Variants in DCC observed in about 807,000 individuals in gnomAD.
DCC encodes the protein netrin receptor DCC.
In DCC, 58 loss-of-function variants were observed where a neutral mutation model predicts 172.5. The ratio of observed to expected loss-of-function variants is 0.34; its 90% CI spans 0.27 to 0.42. The LOEUF is 0.42. DCC is among the 10% of genes least tolerant of loss of function. The pLI is 1.00. For synonymous variants in DCC, 709 were observed against 644.5 expected (o/e 1.10, Z -1.52); for missense variants, 1,740 against 1,791.0 (o/e 0.97, Z 0.51).
Position 52,752,998 on chromosome 18 carries a change from C to CAT in DCC, c.412+625_412+626insTA, listed in dbSNP as rs201753969. On this transcript the variant is annotated intron_variant, in intron 2 of 28. Coordinates refer to ENST00000442544, the MANE Select transcript of DCC (RefSeq NM_005215.4). ...TATGTATATCATATATACACACACACACATATATATATATATCTCATATTT... is the reference window on the plus strand; with the variant it reads ...TATGTATATCATATATACACACACACATACATATATATATATATCTCATATTT... 2.5e-3 allele frequency among the ~76,000 whole-genome samples: 371 copies of CAT among 147,818 alleles called. 1 individual carries two copies. Among genetic ancestry groups the CAT allele is most frequent in the African/African-American group, 9.3e-3 (348 of 37,272 alleles).
At chr18:52,567,620 C>T (rs760495760) in intron 1 of DCC, among the ~76,000 whole-genome samples, 4 of 151,992 alleles carry the variant, frequency 2.6e-5, no homozygotes, top group South Asian at 2.1e-4. Context: ...AATGTGTATG[C>T]GTCAACACAG....
At chr18:52,850,939 ATTAATAAAGTCAGTG>A (rs1461415590) in intron 2 of DCC, among the ~76,000 whole-genome samples, 2 of 152,104 alleles carry the variant, frequency 1.3e-5, no homozygotes, top group African/African-American at 2.4e-5. Flanking sequence ...TCTTTTCTGT[ATTAATAAAGTCAGTG>A]TTTTACAGCT....
At position 52,929,925 on chromosome 18, in the gene DCC, A is replaced by G. The variant is rs561945402; in HGVS notation, c.985+4555A>G. On this transcript the variant is annotated intron_variant, in intron 5 of 28. Coordinates refer to ENST00000442544, the MANE Select transcript of DCC (RefSeq NM_005215.4). ...TATATTGTATCCTCATTTTCACTTCAGGATAAATCATGGCATCTTTCTTTG... is the reference window on the plus strand; with the variant it reads ...TATATTGTATCCTCATTTTCACTTCGGGATAAATCATGGCATCTTTCTTTG... Among the ~76,000 whole-genome samples the G allele has an allele frequency of 3.0e-4, 46 of 151,612 alleles. No homozygotes were observed. The South Asian group carries it at 9.4e-3, about 31-fold the overall frequency.
At chr18:52,717,043 G>A (rs2036395013) in intron 1 of DCC, among the ~76,000 whole-genome samples, 1 of 152,146 alleles carries the variant, frequency 6.6e-6, no homozygotes, top group South Asian at 2.1e-4. Flanking sequence ...CCAGTAAAGT[G>A]TAGCAAGTAT....
intron 1 of DCC, among the ~76,000 whole-genome samples, chr18:52,435,621 GC>G (rs997037519): frequency 2.0e-4 from 30 of 152,192 alleles, no homozygotes; most frequent in African/African-American, 7.0e-4. Context: ...GATAGTGACA[GC>G]AATCCACCTT....
intron 1 of DCC, among the ~76,000 whole-genome samples, chr18:52,689,852 G>A (rs1369697964): frequency 1.3e-5 from 2 of 152,054 alleles, no homozygotes; most frequent in Non-Finnish European, 2.9e-5. Context: ...TAGTAGAAAA[G>A]TTACTTTCTC....
At chr18:52,807,427 C>A (rs545557518) in intron 2 of DCC, among the ~76,000 whole-genome samples, 1 of 152,138 alleles carries the variant, frequency 6.6e-6, no homozygotes, top group African/African-American at 2.4e-5. Flanking sequence ...TTAATACACT[C>A]ACTCATATTT....
In DCC at chr18:52,824,954, A is replaced by T. The variant is rs148206261; in HGVS notation, c.412+72580A>T. Among the ~76,000 whole-genome samples the T allele has an allele frequency of 2.7e-4, 41 of 150,798 alleles. 1 individual carries two copies. The highest frequency in any genetic ancestry group is 9.4e-4 in the African/African-American group (38 of 40,448). ...CACTGCACCCTAGCCTGGGCAACAG[A>T]GCGAGACTCCCTCATATATATATAT... On this transcript the variant is annotated intron_variant, in intron 2 of 28. Coordinates refer to ENST00000442544, the MANE Select transcript of DCC (RefSeq NM_005215.4).
At chr18:53,377,859 C>A (rs1012158973) in intron 15 of DCC, among the ~76,000 whole-genome samples, 6 of 152,218 alleles carry the variant, frequency 3.9e-5, no homozygotes, top group Non-Finnish European at 7.3e-5. Context: ...TTGTTTCACT[C>A]TTTTCCCTCA....
rs1387181293 is a variant in DCC, at chr18:53,272,020, G to C, written c.1912-33558G>C. Among the ~76,000 whole-genome samples, 3 of 152,274 alleles carry C rather than the reference G, an allele frequency of 2.0e-5. No individual in the cohort carries two copies. In the East Asian group the frequency reaches 5.8e-4, roughly 29 times the overall value. The stretch of plus-strand genomic sequence containing the variant: ...ACACCAATTTCAGTCAGTTTGCTGT[G>C]TTGTGATAAGATGTTTCAGTTACAC... On this transcript the variant is annotated intron_variant, in intron 12 of 28. Transcript: ENST00000442544.
chr18:53,275,154 G>A (rs59166914), intron 12 of DCC, among the ~76,000 whole-genome samples: 8,646 of 152,156 alleles, frequency 0.057, 453 homozygotes, highest in African/African-American at 0.14. Context: ...AGTGGAATTC[G>A]TTAAGAATGT....
At chr18:53,159,853 A>AAAC (rs2054806727) in intron 8 of DCC, among the ~76,000 whole-genome samples, 1 of 152,224 alleles carries the variant, frequency 6.6e-6, no homozygotes, top group South Asian at 2.1e-4. Flanking sequence ...AAAGGAAGAT[A>AAAC]AATTCTACCT....
chr18:53,266,224 G>A (rs759345029), intron 12 of DCC, among the ~76,000 whole-genome samples: 1 of 152,134 alleles, frequency 6.6e-6, no homozygotes, highest in Non-Finnish European at 1.5e-5. Context: ...TACCTCTACA[G>A]CTCAACACTG....
chr18:53,320,206 G>C (rs1482602518), intron 13 of DCC, among the ~76,000 whole-genome samples: 1 of 151,108 alleles, frequency 6.6e-6, no homozygotes, highest in East Asian at 2.0e-4. Flanking sequence ...CCGAGTAGCT[G>C]GGACCACAGG....
At chr18:52,780,981 AAGAC>A (rs2037529847) in intron 2 of DCC, among the ~76,000 whole-genome samples, 1 of 152,234 alleles carries the variant, frequency 6.6e-6, no homozygotes. Flanking sequence ...TTCTACACAA[AAGAC>A]AGATTAACAA....
chr18:52,822,123 G>C (rs1343871842), intron 2 of DCC, among the ~76,000 whole-genome samples: 1 of 152,128 alleles, frequency 6.6e-6, no homozygotes, highest in Non-Finnish European at 1.5e-5. Context: ...AGTTGACTTA[G>C]GATAAGTAAG....
chr18:52,528,333 G>T (rs778225815), intron 1 of DCC, among the ~76,000 whole-genome samples: 1 of 152,116 alleles, frequency 6.6e-6, no homozygotes, highest in East Asian at 1.9e-4. Context: ...TGTGCCAGAT[G>T]CTTTTTGTTG....
chr18:52,639,809 T>C (rs112535876), intron 1 of DCC, among the ~76,000 whole-genome samples: 10,834 of 152,216 alleles, frequency 0.071, 507 homozygotes, highest in South Asian at 0.2. Context: ...GTACCTATTC[T>C]TGTGACACTA....
At chr18:52,389,402 C>T (rs984503708) in intron 1 of DCC, among the ~76,000 whole-genome samples, 5 of 151,998 alleles carry the variant, frequency 3.3e-5, no homozygotes, top group Non-Finnish European at 7.4e-5. Flanking sequence ...TTTAACTGGA[C>T]GTCTTGGATT....
Sources: allele counts gnomAD v4.1 joint callset (sites outside exome capture counted in the v4.1 genomes callset), GRCh38; gene constraint gnomAD v4.1.1; transcripts MANE v1.5; gene names NCBI Gene and HGNC (gene_info 2026-07-23, HGNC 2026-07-21).